The following HNRNPR variants were observed in gnomAD, a reference collection of about 807,000 sequenced individuals.
The protein encoded by HNRNPR is heterogeneous nuclear ribonucleoprotein R.
Under a neutral mutation model 70.3 loss-of-function variants are expected in HNRNPR, and 4 were observed. The ratio of observed to expected loss-of-function variants is 0.06; its 90% CI spans 0.03 to 0.13. The LOEUF is 0.13. HNRNPR is among the 10% of genes least tolerant of loss of function. The pLI, the probability that HNRNPR is intolerant of heterozygous loss-of-function variation, is 1.00. For synonymous variants in HNRNPR, 241 were observed against 267.6 expected (o/e 0.90, Z 0.97); for missense variants, 423 against 788.5 (o/e 0.54, Z 5.55).
rs779466762 is a variant in HNRNPR at position 23,310,480 on chromosome 1, C to T, written c.1876G>A (p.Asp626Asn). ...TACTTCCACTGTTGCCCATAAGTAT[C>T]CTGATAAAATTCCTGGTTGTCATTA... ...YNNDNQEFYQ[D>N]TYGQQWK The change falls in exon 11 of 11, where the codon GAT becomes AAT. Residue 626 changes from aspartate (D) to asparagine (N), a missense_variant. Coordinates refer to ENST00000302271, the MANE Select transcript of HNRNPR (RefSeq NM_005826.5). The surrounding 1 kb of genome is among the most constrained non-coding windows in gnomAD (Gnocchi z 6.0). 1 of 1,609,398 alleles carries T rather than the reference C, an allele frequency of 6.2e-7. No individual in the cohort carries two copies. The highest frequency in any genetic ancestry group is 8.5e-7 in the Non-Finnish European group (1 of 1,177,786).
At position 23,313,809 on chromosome 1, in the gene HNRNPR, G is replaced by C. The variant is rs530590395; in HGVS notation, c.1018-107C>G. On this transcript the variant is annotated intron_variant, in intron 8 of 10. Transcript: ENST00000302271. ...GCTTTTCTCCTCTAAAACATTAAGT[G>C]CTAAAAGTGTTGTTACAGGTAGTAA... 8 of 1,237,398 alleles carry C rather than the reference G, an allele frequency of 6.5e-6. No individual in the cohort carries two copies. The East Asian group carries it at 1.3e-4, about 20-fold the overall frequency. 76.7% of individuals were successfully genotyped at this position (1,237,398 alleles called of 1,614,324 possible). A position where few individuals can be genotyped will look rare whatever the true frequency, so the allele number is the denominator to read the frequency against.
chr1:23,311,977 A>G (rs1260921924), intron 9 of HNRNPR: 2 of 152,272 alleles, frequency 1.3e-5, no homozygotes, highest in Non-Finnish European at 2.9e-5. Context: ...GCAGTAATCA[A>G]ACATTCCATG....
In HNRNPR at chr1:23,318,846, A is replaced by G; in HGVS notation, c.812-158T>C. The G allele has an allele frequency of 1.5e-6, 1 of 668,034 alleles. No individual in the cohort carries two copies. The highest frequency in any genetic ancestry group is 2.7e-5 in the Admixed American group (1 of 36,878). 41.4% of individuals were successfully genotyped at this position (668,034 alleles called of 1,614,324 possible). A position where few individuals can be genotyped will look rare whatever the true frequency, so the allele number is the denominator to read the frequency against. On this transcript the variant is annotated intron_variant, in intron 7 of 10. Transcript: ENST00000302271. This position sits in a 1 kb window ranked among gnomAD's most constrained non-coding sequence, Gnocchi z 4.2. ...GACAATTAGATCAACATAATTAGATATGGGGTTTGGGACAGTATTTGATGT... is the reference window on the plus strand; with the variant it reads ...GACAATTAGATCAACATAATTAGATGTGGGGTTTGGGACAGTATTTGATGT...
At chr1:23,334,766 A>C (rs567795277) in intron 4 of HNRNPR, among the ~76,000 whole-genome samples, 32 of 152,242 alleles carry the variant, frequency 2.1e-4, no homozygotes, top group Non-Finnish European at 4.6e-4. Context: ...AGGTATTAAG[A>C]GCAATCATAG....
intron 4 of HNRNPR, among the ~76,000 whole-genome samples, chr1:23,334,584 T>C (rs2148459336): frequency 6.6e-6 from 1 of 152,304 alleles, no homozygotes; most frequent in East Asian, 1.9e-4. Context: ...TGTTTGATCC[T>C]TCTGGTTTGT....
rs1005613073 is a variant in HNRNPR, at chr1:23,318,343, T to C, written c.1017+140A>G. The stretch of plus-strand genomic sequence containing the variant: ...TACCAAGACAGGCTGTTAACTTTAG[T>C]GTTAAAGCCGCTCCTTGCCAAACAG... On this transcript the variant is annotated intron_variant, in intron 8 of 10. Transcript: ENST00000302271. The surrounding 1 kb of genome is among the most constrained non-coding windows in gnomAD (Gnocchi z 4.2). 5 of 661,834 alleles carry C rather than the reference T, an allele frequency of 7.6e-6. No homozygotes were observed. Among genetic ancestry groups the C allele is most frequent in the Non-Finnish European group, 7.7e-6 (3 of 387,672 alleles). The allele number at this position is 661,834 out of a possible 1,614,324, so 41.0% of individuals were successfully genotyped here. A position where few individuals can be genotyped will look rare whatever the true frequency, so the allele number is the denominator to read the frequency against.
At chr1:23,340,168 A>G (rs910532498) in intron 2 of HNRNPR, among the ~76,000 whole-genome samples, 5 of 152,170 alleles carry the variant, frequency 3.3e-5, no homozygotes, top group African/African-American at 1.2e-4. Context: ...TATGTCCCCA[A>G]AGGAGGAGGA....
chr1:23,333,988 A>G (rs1175750973), intron 4 of HNRNPR, among the ~76,000 whole-genome samples: 1 of 151,828 alleles, frequency 6.6e-6, no homozygotes, highest in African/African-American at 2.4e-5. Flanking sequence ...GTCTCGGCTC[A>G]CTGCAACCTC....
rs937500804 is a variant in HNRNPR at position 23,304,826 on chromosome 1, C to T, written c.*5628G>A. On this transcript the variant is annotated 3_prime_UTR_variant, in exon 11 of 11. Coordinates refer to ENST00000302271, the MANE Select transcript of HNRNPR (RefSeq NM_005826.5). The stretch of plus-strand genomic sequence containing the variant: ...AATGGAAAAGGTCTTGCAAATGTCC[C>T]TATTTTGGTATTTCTTATGTTACTA... 1.3e-5 allele frequency: 2 copies of T among 152,110 alleles called. No individual in the cohort carries two copies. Among genetic ancestry groups the T allele is most frequent in the African/African-American group, 4.8e-5 (2 of 41,406 alleles). 9.4% of individuals were successfully genotyped at this position (152,110 alleles called of 1,614,324 possible).
At chr1:23,317,494 C>T (rs1264662039) in intron 8 of HNRNPR, among the ~76,000 whole-genome samples, 3 of 151,782 alleles carry the variant, frequency 2.0e-5, no homozygotes, top group African/African-American at 7.3e-5. Context: ...TCCCAGGAGT[C>T]GCCCAAAGGA....
At chr1:23,320,208 C>G (rs1463950633) in intron 7 of HNRNPR, among the ~76,000 whole-genome samples, 1 of 152,040 alleles carries the variant, frequency 6.6e-6, no homozygotes, top group African/African-American at 2.4e-5. Context: ...GATCATGAAG[C>G]CAGAAGGAGC....
chr1:23,332,572 T>C (rs569717054), intron 5 of HNRNPR, among the ~76,000 whole-genome samples: 41 of 150,918 alleles, frequency 2.7e-4, no homozygotes, highest in African/African-American at 9.5e-4. Context: ...TGGTGGTGCA[T>C]GCCAGTAATC....
chr1:23,333,790 T>C (rs1408384752), intron 4 of HNRNPR, among the ~76,000 whole-genome samples, 159 bp from the exon 5 acceptor site: 3 of 152,202 alleles, frequency 2.0e-5, no homozygotes, highest in East Asian at 3.8e-4. Flanking sequence ...TCCCCATACA[T>C]GTTTCTACTG....
chr1:23,310,388 T>A lies in HNRNPR; in HGVS notation c.*66A>T. On this transcript the variant is annotated 3_prime_UTR_variant, in exon 11 of 11. Coordinates refer to ENST00000302271, the MANE Select transcript of HNRNPR (RefSeq NM_005826.5). The surrounding 1 kb of genome is among the most constrained non-coding windows in gnomAD (Gnocchi z 6.0). ...GATGAAACAGTTAAGCCAATTTTTT[T>A]TTTTGAAGAATGTAGATCTAGAGCC... 6.8e-7 allele frequency: 1 copy of A among 1,475,902 alleles called. No individual in the cohort carries two copies. Among genetic ancestry groups the A allele is most frequent in the South Asian group, 1.4e-5 (1 of 70,664 alleles). 91.4% of individuals were successfully genotyped at this position (1,475,902 alleles called of 1,614,324 possible).
chr1:23,333,161 A>G (rs1646312941), intron 5 of HNRNPR, among the ~76,000 whole-genome samples: 1 of 152,192 alleles, frequency 6.6e-6, no homozygotes, highest in African/African-American at 2.4e-5. Context: ...CAGCCTGGAC[A>G]ACAAGAGCGA....
chr1:23,343,701 C>T (rs535591926), intron 1 of HNRNPR, among the ~76,000 whole-genome samples: 2 of 152,296 alleles, frequency 1.3e-5, no homozygotes, highest in South Asian at 4.1e-4. Flanking sequence ...CTTTCGGTTT[C>T]TGCTCACACA....
rs1645200178 is a variant in HNRNPR, at chr1:23,306,187, G to A, written c.*4267C>T. On this transcript the variant is annotated 3_prime_UTR_variant, in exon 11 of 11. Transcript: ENST00000302271. ...TTTGCTCACTTAAAATATACCCTGA[G>A]TATTTCATTACTTCATACTTGCAGG... 1.3e-5 allele frequency: 2 copies of A among 152,116 alleles called. No homozygotes were observed. Among genetic ancestry groups the A allele is most frequent in the African/African-American group, 4.8e-5 (2 of 41,404 alleles). The allele number at this position is 152,116 out of a possible 1,614,324, so 9.4% of individuals were successfully genotyped here. A position where few individuals can be genotyped will look rare whatever the true frequency, so the allele number is the denominator to read the frequency against.
At chr1:23,313,498 G>C (rs1303721043) in intron 9 of HNRNPR, 55 bp downstream of exon 9, 1 of 1,152,590 alleles carries the variant, frequency 8.7e-7, no homozygotes, top group Middle Eastern at 3.0e-4. Context: ...TTTGTGTTTG[G>C]CAAGTTTCAA....
At chr1:23,313,827 G>C in intron 8 of HNRNPR, 125 bp from the exon 9 acceptor site, 2 of 1,055,394 alleles carry the variant, frequency 1.9e-6, no homozygotes, top group East Asian at 2.8e-5. Flanking sequence ...TGTTGTTACA[G>C]GTAGTAAGAG....
Sources: gnomAD v4.1 joint callset for allele counts (sites outside exome capture counted in the v4.1 genomes callset) on GRCh38, gnomAD v4.1.1 for gene constraint, Gnocchi (gnomAD v3.1) non-coding constraint, MANE v1.5 for transcripts, NCBI Gene and HGNC (gene_info 2026-07-23, HGNC 2026-07-21) for gene names.